Variants in PPP2R3A observed in about 807,000 individuals in gnomAD.
PPP2R3A encodes protein phosphatase 2 regulatory subunit B''alpha, also known as serine/threonine-protein phosphatase 2A regulatory subunit B'' subunit alpha.
PPP2R3A carries 80 observed loss-of-function variants against 106.9 expected under a neutral mutation model. The observed-to-expected ratio is 0.75, with a 90% CI of 0.62 to 0.90. PPP2R3A has a LOEUF of 0.90. Among genes scored for constraint, PPP2R3A ranks in the 40% least tolerant of loss-of-function variants. The pLI is 0.00. For synonymous variants in PPP2R3A, 483 were observed against 468.3 expected, an observed-to-expected ratio of 1.03 and a Z score of -0.41; for missense variants, 1,386 against 1,350.4, an observed-to-expected ratio of 1.03 and a Z score of -0.41.
chr3:136,099,669 A>G (rs1050082544), intron 10 of PPP2R3A, among the ~76,000 whole-genome samples: 1 of 152,294 alleles, frequency 6.6e-6, no homozygotes, highest in Admixed American at 6.5e-5. Context: ...AAAATTGGAG[A>G]AACAGATCAA....
intron 3 of PPP2R3A, among the ~76,000 whole-genome samples, chr3:136,035,106 CTTATGTG>C (rs1237802681): frequency 6.6e-6 from 1 of 152,016 alleles, no homozygotes; most frequent in Admixed American, 6.6e-5. Flanking sequence ...TGTGCAAGTC[CTTATGTG>C]TTAGGTGAGT....
rs190478663 is a variant in PPP2R3A, at chr3:136,103,271, A to G, written c.3117A>G (p.Leu1039=). The G allele has an allele frequency of 2.1e-5, 34 of 1,597,042 alleles. No homozygotes were observed. In the East Asian group the frequency reaches 4.7e-4, roughly 22 times the overall value. The change falls in exon 12 of 14, where the codon CTA becomes CTG. Residue 1039 remains leucine (L), a synonymous_variant. Transcript: ENST00000264977. ...ATTTTTATGTAGGCAAAATAACTCT[A>G]AGAGATCTGAAGAGGTGCAGAATGG... is the stretch of plus-strand genomic sequence containing the variant. ...VKPAVDGKIT[L]RDLKRCRMAH... is the part of the protein sequence containing the mutation.
intron 13 of PPP2R3A, among the ~76,000 whole-genome samples, chr3:136,117,402 T>C (rs1033266192): frequency 6.6e-6 from 1 of 151,992 alleles, no homozygotes; most frequent in East Asian, 1.9e-4. Flanking sequence ...CTGAAAGAGA[T>C]AGAGACATGA....
intron 2 of PPP2R3A, among the ~76,000 whole-genome samples, chr3:136,011,984 CACACACACAT>C (rs1191045440): frequency 7.2e-6 from 1 of 139,136 alleles, no homozygotes; most frequent in Non-Finnish European, 1.5e-5. Context: ...TACACACACA[CACACACACAT>C]ACACACACAC....
intron 4 of PPP2R3A, among the ~76,000 whole-genome samples, chr3:136,042,181 T>G (rs560808685): frequency 6.6e-6 from 1 of 152,230 alleles, no homozygotes; most frequent in Non-Finnish European, 1.5e-5. Flanking sequence ...AAATGTATTC[T>G]TATTTTTAAA....
chr3:136,010,242 T>C (rs1339922813), intron 2 of PPP2R3A, among the ~76,000 whole-genome samples: 1 of 149,836 alleles, frequency 6.7e-6, no homozygotes, highest in Non-Finnish European at 1.5e-5. Flanking sequence ...CTCCTGTCTT[T>C]TTCTTTTCTT....
intron 5 of PPP2R3A, among the ~76,000 whole-genome samples, chr3:136,069,249 C>G (rs976772726): frequency 6.6e-6 from 1 of 152,068 alleles, no homozygotes; most frequent in African/African-American, 2.4e-5. Flanking sequence ...GGAAATTTTT[C>G]TATAATAATT....
chr3:136,018,666 C>T (rs578017128), intron 2 of PPP2R3A, among the ~76,000 whole-genome samples: 2 of 152,300 alleles, frequency 1.3e-5, no homozygotes, highest in South Asian at 4.1e-4. Context: ...TAAACTTATT[C>T]CTCAGTTTTG....
At chr3:136,132,455 A>G (rs1938463352) in intron 13 of PPP2R3A, among the ~76,000 whole-genome samples, 1 of 152,182 alleles carries the variant, frequency 6.6e-6, no homozygotes, top group Admixed American at 6.5e-5. Context: ...TCAGTAGTAC[A>G]GTATTTCTAT....
intron 1 of PPP2R3A, among the ~76,000 whole-genome samples, chr3:135,972,971 A>AT (rs1937290031): frequency 6.6e-6 from 1 of 151,870 alleles, no homozygotes; most frequent in Non-Finnish European, 1.5e-5. Flanking sequence ...TTTTTCTTTG[A>AT]TTGTGTATGC....
intron 13 of PPP2R3A, among the ~76,000 whole-genome samples, chr3:136,123,966 A>G (rs1938091709): frequency 6.6e-6 from 1 of 152,234 alleles, no homozygotes; most frequent in Non-Finnish European, 1.5e-5. Context: ...GTGTACACAG[A>G]ACTTTTCCAG....
At chr3:136,049,161 A>C in intron 4 of PPP2R3A, 98 bp from the exon 5 acceptor site, 1 of 805,240 alleles carries the variant, frequency 1.2e-6, no homozygotes, top group Non-Finnish European at 2.0e-6. Context: ...TGTTGATCTG[A>C]GTGGCCTTCA....
chr3:135,998,267 A>G (rs962747432), intron 1 of PPP2R3A, among the ~76,000 whole-genome samples: 1 of 152,192 alleles, frequency 6.6e-6, no homozygotes, highest in Non-Finnish European at 1.5e-5. Context: ...CTTCAAAATT[A>G]TGTACCTACA....
intron 3 of PPP2R3A, among the ~76,000 whole-genome samples, chr3:136,036,041 T>C (rs1935074737): frequency 6.6e-6 from 1 of 152,060 alleles, no homozygotes; most frequent in Non-Finnish European, 1.5e-5. Flanking sequence ...GCATTTTGCG[T>C]TTCTATAAGT....
chr3:136,095,739 T>C (rs1260399468), intron 10 of PPP2R3A, among the ~76,000 whole-genome samples: 1 of 152,200 alleles, frequency 6.6e-6, no homozygotes, highest in Non-Finnish European at 1.5e-5. Context: ...ATTTTGCCCA[T>C]TGATACTTGT....
chr3:136,110,513 T>C (rs1173566501), intron 13 of PPP2R3A, among the ~76,000 whole-genome samples: 1 of 152,186 alleles, frequency 6.6e-6, no homozygotes, highest in Non-Finnish European at 1.5e-5. Context: ...AAATAATAGC[T>C]TAATAATTCC....
chr3:136,079,008 A>C (rs1287682910), intron 7 of PPP2R3A: 7 of 276,110 alleles, frequency 2.5e-5, no homozygotes, highest in African/African-American at 1.3e-4. Flanking sequence ...TGATTGTTTA[A>C]GCTTCTGTAA....
intron 6 of PPP2R3A, among the ~76,000 whole-genome samples, chr3:136,074,569 T>C (rs1936538728): frequency 6.6e-6 from 1 of 152,232 alleles, no homozygotes; most frequent in Non-Finnish European, 1.5e-5. Flanking sequence ...ATGCCAACTT[T>C]TGAGGAAAGA....
At chr3:136,070,449 AATTT>A in intron 5 of PPP2R3A, 25 bp from the exon 6 acceptor site, 1 of 1,561,052 alleles carries the variant, frequency 6.4e-7, no homozygotes, top group Non-Finnish European at 8.7e-7. Context: ...TATGTTTGTT[AATTT>A]AGTTTTGGTT....
Sources: allele counts gnomAD v4.1 joint callset (sites outside exome capture counted in the v4.1 genomes callset), GRCh38; gene constraint gnomAD v4.1.1; transcripts MANE v1.5; gene names NCBI Gene and HGNC (gene_info 2026-07-23, HGNC 2026-07-21).